Variants in MAST4 observed in about 807,000 individuals in gnomAD.
MAST4 encodes the protein microtubule associated serine/threonine kinase family member 4.
A neutral mutation model predicts 162.7 loss-of-function variants in MAST4; 89 were observed. The ratio of observed to expected loss-of-function variants is 0.55; its 90% CI spans 0.46 to 0.65. MAST4 has a LOEUF of 0.65. MAST4 is among the 30% of genes least tolerant of loss of function. The probability of loss-of-function intolerance (pLI) is 0.00; values close to 1 mark genes in which losing one functional copy is unlikely to be tolerated. For missense variants in MAST4, 3,153 were observed against 3,374.0 expected, an observed-to-expected ratio of 0.93 and a Z score of 1.62; for synonymous variants, 1,479 against 1,361.1, an observed-to-expected ratio of 1.09 and a Z score of -1.91.
chr5:67,003,741 C>T (rs1268017414), intron 4 of MAST4: 1 of 152,202 alleles, frequency 6.6e-6, no homozygotes, highest in Non-Finnish European at 1.5e-5. Flanking sequence ...CAGCCCCCTT[C>T]ATTCTGCCCT....
intron 3 of MAST4, among the ~76,000 whole-genome samples, chr5:66,850,461 T>A (rs971155069): frequency 2.0e-5 from 3 of 152,212 alleles, no homozygotes; most frequent in Admixed American, 6.5e-5. Context: ...GTAGAGCATC[T>A]CTTATCTGAA....
At chr5:66,720,273 AAAATG>A (rs1236297186) in intron 1 of MAST4, among the ~76,000 whole-genome samples, 2 of 152,118 alleles carry the variant, frequency 1.3e-5, no homozygotes, top group Non-Finnish European at 2.9e-5. Flanking sequence ...ACTTCTGTAA[AAAATG>A]AAATGGGGAA....
intron 4 of MAST4, chr5:66,986,616 A>ATTTATT (rs149234910): frequency 2.8e-4 from 55 of 199,748 alleles, no homozygotes; most frequent in African/African-American, 8.4e-4. Flanking sequence ...ATATATATAT[A>ATTTATT]TATTTATTTA....
chr5:67,146,182 T>A (rs1581716498), intron 23 of MAST4, among the ~76,000 whole-genome samples: 1 of 137,324 alleles, frequency 7.3e-6, no homozygotes, highest in Admixed American at 7.6e-5. Context: ...CCAAGGGGGC[T>A]TGGGCCTTTG....
At chr5:66,675,145 CTATTTGCT>C (rs1335114560) in intron 1 of MAST4, among the ~76,000 whole-genome samples, 1 of 152,194 alleles carries the variant, frequency 6.6e-6, no homozygotes, top group Non-Finnish European at 1.5e-5. Flanking sequence ...ATAGGCACAC[CTATTTGCT>C]GAGCCTGGGT....
At chr5:66,958,312 T>C (rs1745574200) in intron 4 of MAST4, among the ~76,000 whole-genome samples, 1 of 151,992 alleles carries the variant, frequency 6.6e-6, no homozygotes, top group Non-Finnish European at 1.5e-5. Context: ...AGGAAGTGAG[T>C]CAGTTACGTT....
At position 66,924,602 on chromosome 5, in the gene MAST4, T is replaced by C. The variant is rs1024803509; in HGVS notation, c.674+24620T>C. On this transcript the variant is annotated intron_variant, in intron 4 of 28. Coordinates refer to ENST00000403625, the MANE Select transcript of MAST4 (RefSeq NM_001164664.2). ...TTGTATTTTTAGTAGAGATGGGGTT[T>C]CACCATGGTTTTGATCTCCTGACCT... Among the ~76,000 whole-genome samples the C allele has an allele frequency of 1.2e-4, 18 of 152,300 alleles. 1 individual carries two copies. The South Asian group carries it at 1.5e-3, about 12-fold the overall frequency.
chr5:66,862,608 T>C (rs1363436485), intron 3 of MAST4, among the ~76,000 whole-genome samples: 3 of 152,240 alleles, frequency 2.0e-5, no homozygotes, highest in Admixed American at 2.0e-4. Flanking sequence ...GCAGTCAAGG[T>C]AAATGTTTTC....
intron 4 of MAST4, among the ~76,000 whole-genome samples, chr5:66,953,772 C>A (rs1373998659): frequency 1.3e-5 from 2 of 152,124 alleles, no homozygotes; most frequent in Non-Finnish European, 2.9e-5. Context: ...AGCAAGATTT[C>A]TAGAATAGCA....
At chr5:66,966,147 A>G (rs1054096791) in intron 4 of MAST4, among the ~76,000 whole-genome samples, 2 of 152,244 alleles carry the variant, frequency 1.3e-5, no homozygotes, top group Non-Finnish European at 2.9e-5. Flanking sequence ...GAGATTAAAT[A>G]GTAGCCTAGG....
At chr5:66,743,874 AAGAG>A (rs1298384387) in intron 1 of MAST4, among the ~76,000 whole-genome samples, 12 of 152,100 alleles carry the variant, frequency 7.9e-5, no homozygotes, top group Admixed American at 5.2e-4. Flanking sequence ...TGTTTTGGCT[AAGAG>A]AGAGATGATT....
intron 23 of MAST4, 34 bp downstream of exon 23, chr5:67,145,413 T>G (rs1770960398): frequency 6.3e-7 from 1 of 1,577,842 alleles, no homozygotes; most frequent in East Asian, 2.2e-5. Context: ...GCTGTCCTCC[T>G]CACCACACTA....
intron 4 of MAST4, among the ~76,000 whole-genome samples, chr5:66,992,988 G>A (rs1750221957): frequency 6.6e-6 from 1 of 152,132 alleles, no homozygotes; most frequent in Non-Finnish European, 1.5e-5. Flanking sequence ...AGGTCACCCT[G>A]CTCAAGTTCA....
Position 66,794,626 on chromosome 5 carries a change from C to G in MAST4, c.642+5832C>G, listed in dbSNP as rs138167900. Among the ~76,000 whole-genome samples, 31 of 152,226 alleles carry G rather than the reference C, an allele frequency of 2.0e-4. 1 individual carries two copies. The East Asian group carries it at 4.6e-3, about 23-fold the overall frequency. ...TGCATGATGTGGGAGTAGCTTGTTT[C>G]TTTCTTTCTTATCTTTACTCAAAAT... is the stretch of plus-strand genomic sequence containing the variant. On this transcript the variant is annotated intron_variant, in intron 3 of 28. Coordinates refer to ENST00000403625, the MANE Select transcript of MAST4 (RefSeq NM_001164664.2).
intron 4 of MAST4, among the ~76,000 whole-genome samples, chr5:66,946,158 A>G (rs1051151830): frequency 1.1e-4 from 16 of 152,280 alleles, no homozygotes; most frequent in African/African-American, 3.6e-4. Context: ...GAGAACCATC[A>G]TGCTGCTCAT....
intron 3 of MAST4, among the ~76,000 whole-genome samples, chr5:66,841,265 C>T (rs1431116681): frequency 6.6e-6 from 1 of 152,120 alleles, no homozygotes; most frequent in Non-Finnish European, 1.5e-5. Context: ...ATATGGCTTT[C>T]CCAAATTCTA....
At chr5:67,025,412 A>G (rs1204100550) in intron 4 of MAST4, among the ~76,000 whole-genome samples, 1 of 152,202 alleles carries the variant, frequency 6.6e-6, no homozygotes, top group Non-Finnish European at 1.5e-5. Flanking sequence ...AATGAAGGAA[A>G]TGTTACATTT....
chr5:66,938,718 A>C lies in MAST4; in HGVS notation c.674+38736A>C, dbSNP rs1257655448. On this transcript the variant is annotated intron_variant, in intron 4 of 28. Transcript: ENST00000403625. ...GAAGAGTAACACCCTCTTGTAGAAA[A>C]TAACATCCTTTAGAGCATGTGTTCT... Among the ~76,000 whole-genome samples the C allele has an allele frequency of 2.6e-5, 4 of 152,206 alleles. No homozygotes were observed. In the East Asian group the frequency reaches 7.7e-4, roughly 29 times the overall value.
At chr5:66,611,673 T>G (rs973896483) in intron 1 of MAST4, among the ~76,000 whole-genome samples, 28 of 152,242 alleles carry the variant, frequency 1.8e-4, no homozygotes, top group African/African-American at 6.0e-4. Flanking sequence ...GATTTCATAA[T>G]GAGAGGTGTA....
Sources: gnomAD v4.1 joint callset for allele counts (sites outside exome capture counted in the v4.1 genomes callset) on GRCh38, gnomAD v4.1.1 for gene constraint, MANE v1.5 for transcripts, NCBI Gene and HGNC (gene_info 2026-07-23, HGNC 2026-07-21) for gene names.